Variants in TENM2 observed in about 807,000 individuals in gnomAD.
TENM2 encodes teneurin transmembrane protein 2.
In TENM2, 52 loss-of-function variants were observed where a neutral mutation model predicts 245.2. That is an observed-to-expected ratio of 0.21 (90% CI 0.17 to 0.27). The LOEUF (loss-of-function observed/expected upper bound fraction) is 0.27, where lower values mean the gene tolerates loss of function less well. Ranked by LOEUF, TENM2 falls within the 10% of genes least tolerant of loss-of-function variation. TENM2 has a pLI of 1.00. For missense variants in TENM2, 3,046 were observed against 3,666.8 expected, an observed-to-expected ratio of 0.83 and a Z score of 4.37; for synonymous variants, 1,363 against 1,438.9, an observed-to-expected ratio of 0.95 and a Z score of 1.19.
At chr5:167,383,780 T>G (rs1486942805) in intron 2 of TENM2, among the ~76,000 whole-genome samples, 2 of 151,832 alleles carry the variant, frequency 1.3e-5, no homozygotes, top group Non-Finnish European at 2.9e-5. Flanking sequence ...TCATTTTCCC[T>G]TGTTCTTTAA....
At chr5:167,848,925 G>GT (rs561513943) in intron 2 of TENM2, among the ~76,000 whole-genome samples, 55 of 152,080 alleles carry the variant, frequency 3.6e-4, no homozygotes, top group African/African-American at 1.2e-3. Context: ...TGTTTTTTGG[G>GT]TTTTTTTGGC....
intron 2 of TENM2, among the ~76,000 whole-genome samples, chr5:167,744,817 A>G (rs1389808772): frequency 2.6e-5 from 4 of 151,046 alleles, no homozygotes; most frequent in African/African-American, 7.3e-5. Flanking sequence ...CAAAACAAAC[A>G]AACAAACAAA....
the TENM2 span, among the ~76,000 whole-genome samples, chr5:166,999,354 C>T: frequency 6.6e-6 from 1 of 152,110 alleles, no homozygotes; most frequent in Non-Finnish European, 1.5e-5. Context: ...AATGGTCCTG[C>T]CCGTTACTGA....
chr5:167,109,993 T>A, the TENM2 span, among the ~76,000 whole-genome samples: 1 of 152,184 alleles, frequency 6.6e-6, no homozygotes, highest in African/African-American at 2.4e-5. Context: ...GTGGCTTAAA[T>A]AAAGAACCTT....
chr5:167,709,281 C>G (rs1335750103), intron 2 of TENM2, among the ~76,000 whole-genome samples: 1 of 152,208 alleles, frequency 6.6e-6, no homozygotes, highest in African/African-American at 2.4e-5. Flanking sequence ...CTCTAATTTT[C>G]TCACCAGCAC....
At chr5:168,199,038 C>T in exon 16 of TENM2, 1 of 1,613,918 alleles carries the variant, frequency 6.2e-7, no homozygotes, top group South Asian at 1.1e-5. Flanking sequence ...CGGCCTGATC[C>T]AATCATCATC....
At chr5:167,598,572 G>A (rs1336994156) in intron 2 of TENM2, among the ~76,000 whole-genome samples, 4 of 152,190 alleles carry the variant, frequency 2.6e-5, no homozygotes, top group Non-Finnish European at 5.9e-5. Context: ...TATTACGTGG[G>A]TGACCCCGTG....
At chr5:167,922,539 C>T (rs1426078221) in intron 3 of TENM2, among the ~76,000 whole-genome samples, 2 of 152,220 alleles carry the variant, frequency 1.3e-5, no homozygotes, top group Non-Finnish European at 2.9e-5. Flanking sequence ...TTGTCTACCA[C>T]TCCACTCCCA....
chr5:167,509,505 G>A (rs933869624), intron 2 of TENM2, among the ~76,000 whole-genome samples: 9 of 151,976 alleles, frequency 5.9e-5, no homozygotes, highest in African/African-American at 1.9e-4. Flanking sequence ...TAATTAATGC[G>A]TTTACTTTTG....
chr5:167,869,992 A>G (rs1419832451), intron 2 of TENM2, among the ~76,000 whole-genome samples: 1 of 152,242 alleles, frequency 6.6e-6, no homozygotes, highest in Admixed American at 6.5e-5. Context: ...AGAAAAGTAG[A>G]TACTTTAGTC....
chr5:167,797,910 T>C (rs1765435102), intron 2 of TENM2, among the ~76,000 whole-genome samples: 1 of 152,246 alleles, frequency 6.6e-6, no homozygotes, highest in Non-Finnish European at 1.5e-5. Flanking sequence ...ACAATGTGTT[T>C]ATGACTCCAA....
At chr5:167,306,540 A>G (rs368682319) in intron 1 of TENM2, 1 of 152,146 alleles carries the variant, frequency 6.6e-6, no homozygotes, top group African/African-American at 2.4e-5. Context: ...AAACCCACAC[A>G]TCCCTGGTTG....
At chr5:168,224,933 G>T (rs1362877773) in intron 23 of TENM2, among the ~76,000 whole-genome samples, 2 of 152,220 alleles carry the variant, frequency 1.3e-5, no homozygotes, top group Non-Finnish European at 2.9e-5. Flanking sequence ...GGGAAAGGCT[G>T]TCCCAACTAG....
At chr5:167,759,599 G>A in intron 2 of TENM2, among the ~76,000 whole-genome samples, 1 of 152,162 alleles carries the variant, frequency 6.6e-6, no homozygotes, top group Non-Finnish European at 1.5e-5. Flanking sequence ...CGTGAGGAGA[G>A]ATGGGAAAGG....
At chr5:168,081,388 A>T (rs187183443) in intron 7 of TENM2, among the ~76,000 whole-genome samples, 71 of 152,190 alleles carry the variant, frequency 4.7e-4, no homozygotes, top group Admixed American at 3.7e-3. Flanking sequence ...CTATCCAATT[A>T]GCCAGTCTGT....
intron 2 of TENM2, among the ~76,000 whole-genome samples, chr5:167,792,732 G>GAA (rs76873091): frequency 6.5e-5 from 8 of 123,732 alleles, no homozygotes; most frequent in African/African-American, 6.0e-5. Flanking sequence ...TTGAAAAATG[G>GAA]AAAAAAAAAA....
intron 15 of TENM2, among the ~76,000 whole-genome samples, chr5:168,197,224 T>C (rs1399944423): frequency 6.6e-6 from 1 of 152,256 alleles, no homozygotes; most frequent in Non-Finnish European, 1.5e-5. Context: ...CTGATATTTG[T>C]CTTAATATTC....
chr5:167,652,591 C>A (rs557450707), intron 2 of TENM2, among the ~76,000 whole-genome samples: 1 of 30,116 alleles, frequency 3.3e-5, no homozygotes, highest in African/African-American at 2.1e-4. Flanking sequence ...CCCCAAACCA[C>A]CAAGCAACTA....
At chr5:167,489,563 CTTTA>C (rs1048111100) in intron 2 of TENM2, among the ~76,000 whole-genome samples, 2 of 152,078 alleles carry the variant, frequency 1.3e-5, no homozygotes, top group East Asian at 1.9e-4. Context: ...TCCTGCCTTG[CTTTA>C]TTTATTTATT....
Sources: gnomAD v4.1 joint callset for allele counts (sites outside exome capture counted in the v4.1 genomes callset) on GRCh38, gnomAD v4.1.1 for gene constraint, MANE v1.5 for transcripts, NCBI Gene and HGNC (gene_info 2026-07-23, HGNC 2026-07-21) for gene names.